The following GRID2 variants were observed in gnomAD, a reference collection of about 807,000 sequenced individuals.
GRID2 encodes the protein glutamate ionotropic receptor delta type subunit 2.
GRID2 carries 33 observed loss-of-function variants against 114.8 expected under a neutral mutation model. That is an observed-to-expected ratio of 0.29 (90% CI 0.22 to 0.38). The LOEUF is 0.38. GRID2 is among the 10% of genes least tolerant of loss of function. GRID2 has a pLI of 1.00. For synonymous variants in GRID2, 505 were observed against 449.9 expected, an observed-to-expected ratio of 1.12 and a Z score of -1.55; for missense variants, 1,184 against 1,257.7, an observed-to-expected ratio of 0.94 and a Z score of 0.89.
At chr4:93,695,571 A>G (rs989791805) in intron 14 of GRID2, among the ~76,000 whole-genome samples, 2 of 152,240 alleles carry the variant, frequency 1.3e-5, no homozygotes, top group Non-Finnish European at 2.9e-5. Context: ...ATCTCCTGCC[A>G]TGCTCTATGG....
intron 1 of GRID2, among the ~76,000 whole-genome samples, chr4:92,446,065 G>T (rs1171256878): frequency 6.6e-6 from 1 of 152,154 alleles, no homozygotes; most frequent in South Asian, 2.1e-4. Flanking sequence ...CATGCCTCAA[G>T]CTCTGGAGTA....
At chr4:92,614,198 G>A (rs551063923) in intron 2 of GRID2, among the ~76,000 whole-genome samples, 32 of 151,590 alleles carry the variant, frequency 2.1e-4, no homozygotes, top group African/African-American at 5.8e-4. Flanking sequence ...CTCTCTACAC[G>A]TTCCAGCTGC....
At chr4:93,702,733 T>C (rs1386889118) in intron 14 of GRID2, among the ~76,000 whole-genome samples, 1 of 152,182 alleles carries the variant, frequency 6.6e-6, no homozygotes, top group Non-Finnish European at 1.5e-5. Flanking sequence ...GTTCATTTAA[T>C]AAATATTTAT....
intron 13 of GRID2, among the ~76,000 whole-genome samples, chr4:93,582,875 A>G (rs1737120364): frequency 6.6e-6 from 1 of 152,184 alleles, no homozygotes; most frequent in Non-Finnish European, 1.5e-5. Context: ...GGCTGCCATA[A>G]CAAGTCACCA....
intron 8 of GRID2, among the ~76,000 whole-genome samples, chr4:93,388,230 A>C (rs571534371): frequency 6.6e-6 from 1 of 152,168 alleles, no homozygotes; most frequent in Admixed American, 6.6e-5. Flanking sequence ...TTACTAATTC[A>C]TTAAAGAATT....
chr4:92,948,087 T>G (rs1751771483), intron 2 of GRID2, among the ~76,000 whole-genome samples: 1 of 151,908 alleles, frequency 6.6e-6, no homozygotes, highest in Non-Finnish European at 1.5e-5. Context: ...TATAAATATA[T>G]TTATGGCTCC....
intron 4 of GRID2, among the ~76,000 whole-genome samples, chr4:93,130,001 C>T (rs9998117): frequency 6.6e-6 from 1 of 152,146 alleles, no homozygotes; most frequent in East Asian, 1.9e-4. Flanking sequence ...CTTTTCCCAC[C>T]CTGCCAGCCC....
intron 2 of GRID2, among the ~76,000 whole-genome samples, chr4:92,983,514 C>T (rs1468000903): frequency 1.3e-5 from 2 of 152,040 alleles, no homozygotes; most frequent in Admixed American, 1.3e-4. Context: ...CATCATTTGA[C>T]ATATCTCATT....
chr4:93,422,789 G>A lies in GRID2; in HGVS notation c.1366G>A (p.Val456Ile), dbSNP rs777311671. 13 of 1,612,258 alleles carry A rather than the reference G, an allele frequency of 8.1e-6. No individual in the cohort carries two copies. The East Asian group carries it at 2.9e-4, about 36-fold the overall frequency. The change falls in exon 10 of 16, where the codon GTC (valine) becomes ATC (isoleucine). Residue 456 changes from valine (V) to isoleucine (I), a missense_variant. Transcript: ENST00000282020. ...VTVLEEPFVM[V>I]SENVLGKPKK... is the part of the protein sequence containing the mutation. Reference sequence around the variant, plus strand: ...CATGTAGGAAGAACCTTTTGTGATGGTCTCTGAAAATGTCTTGGGTAAGCC... The same window carrying A: ...CATGTAGGAAGAACCTTTTGTGATGATCTCTGAAAATGTCTTGGGTAAGCC...
intron 2 of GRID2, among the ~76,000 whole-genome samples, chr4:92,772,451 C>T (rs1241534289): frequency 6.6e-6 from 1 of 152,180 alleles, no homozygotes; most frequent in East Asian, 1.9e-4. Flanking sequence ...TTTACCTTCC[C>T]ACCTTAATGA....
chr4:93,078,223 C>T (rs1208758083), intron 2 of GRID2, among the ~76,000 whole-genome samples: 1 of 152,144 alleles, frequency 6.6e-6, no homozygotes, highest in Non-Finnish European at 1.5e-5. Context: ...AGGTAACCTC[C>T]ATCCACTTAA....
chr4:92,600,044 G>GTGTGTGTGTA lies in GRID2; in HGVS notation c.244+9759_244+9760insGTGTGTGTAT, dbSNP rs1206780169. ...CATGTATGTGTGTGTGTGTGTGTGT[G>GTGTGTGTGTA]TATATATATATATATATATATATAT... On this transcript the variant is annotated intron_variant, in intron 2 of 15. Transcript: ENST00000282020. Among the ~76,000 whole-genome samples the GTGTGTGTGTA allele has an allele frequency of 6.8e-4, 37 of 54,426 alleles. 1 individual carries two copies. Among genetic ancestry groups the GTGTGTGTGTA allele is most frequent in the African/African-American group, 2.4e-3 (35 of 14,700 alleles). 35.7% of individuals were successfully genotyped at this position (54,426 alleles called of 152,430 possible). A position where few individuals can be genotyped will look rare whatever the true frequency, so the allele number is the denominator to read the frequency against.
intron 2 of GRID2, among the ~76,000 whole-genome samples, chr4:92,918,379 C>T (rs1267769957): frequency 2.0e-5 from 3 of 152,106 alleles, no homozygotes; most frequent in African/African-American, 7.2e-5. Flanking sequence ...CCAGAACTTC[C>T]AACACTATGT....
At chr4:93,542,798 G>A (rs1732784738) in intron 13 of GRID2, among the ~76,000 whole-genome samples, 1 of 152,082 alleles carries the variant, frequency 6.6e-6, no homozygotes, top group Non-Finnish European at 1.5e-5. Flanking sequence ...TTCCCCTACT[G>A]TCCTGTCCCG....
chr4:92,839,945 G>A (rs1742758819), intron 2 of GRID2, among the ~76,000 whole-genome samples: 1 of 151,784 alleles, frequency 6.6e-6, no homozygotes, highest in Non-Finnish European at 1.5e-5. Context: ...TACTGTATTG[G>A]GACCTATCTC....
At chr4:93,650,305 GTCT>G (rs1385573863) in intron 14 of GRID2, among the ~76,000 whole-genome samples, 4 of 151,876 alleles carry the variant, frequency 2.6e-5, no homozygotes, top group African/African-American at 9.7e-5. Context: ...TAAAAGAACT[GTCT>G]TTTTTTCTGA....
At chr4:92,737,769 T>A (rs796976249) in intron 2 of GRID2, among the ~76,000 whole-genome samples, 1 of 152,282 alleles carries the variant, frequency 6.6e-6, no homozygotes, top group South Asian at 2.1e-4. Flanking sequence ...ATTTTGTTTA[T>A]GTAAAATTCA....
chr4:92,879,083 T>G (rs531926802), intron 2 of GRID2, among the ~76,000 whole-genome samples: 369 of 152,336 alleles, frequency 2.4e-3, no homozygotes, highest in South Asian at 5.0e-3. Flanking sequence ...TATAGAATTG[T>G]ATGTATATTC....
chr4:92,920,921 T>A (rs554029325), intron 2 of GRID2, among the ~76,000 whole-genome samples: 17 of 152,350 alleles, frequency 1.1e-4, no homozygotes, highest in African/African-American at 3.8e-4. Context: ...GAAGTTCTCC[T>A]GGATAATATC....
Sources: gnomAD v4.1 joint callset for allele counts (sites outside exome capture counted in the v4.1 genomes callset) on GRCh38, gnomAD v4.1.1 for gene constraint, MANE v1.5 for transcripts, NCBI Gene and HGNC (gene_info 2026-07-23, HGNC 2026-07-21) for gene names.